Variants in ZGPAT observed in about 807,000 individuals in gnomAD.
The protein encoded by ZGPAT is zinc finger CCCH-type with G patch domain-containing protein.
In ZGPAT, 39 loss-of-function variants were observed where a neutral mutation model predicts 47.9. The observed-to-expected ratio is 0.81, with a 90% CI of 0.63 to 1.06. The LOEUF is 1.06. Among genes scored for constraint, ZGPAT ranks in the 50% least tolerant of loss-of-function variants. The pLI, the probability that ZGPAT is intolerant of heterozygous loss-of-function variation, is 0.00. For missense variants in ZGPAT, 717 were observed against 681.4 expected (o/e 1.05, Z -0.58); for synonymous variants, 348 against 292.9 (o/e 1.19, Z -1.92).
At chr20:63,729,914 G>A (rs1312723473) in intron 2 of ZGPAT, among the ~76,000 whole-genome samples, 5 of 151,828 alleles carry the variant, frequency 3.3e-5, no homozygotes, top group Non-Finnish European at 5.9e-5. Context: ...CCAGCCACTT[G>A]GGAGGCTGAG....
At chr20:63,717,491 G>A (rs965275142) in intron 2 of ZGPAT, among the ~76,000 whole-genome samples, 1 of 151,780 alleles carries the variant, frequency 6.6e-6, no homozygotes, top group Non-Finnish European at 1.5e-5. Context: ...CCCGGCCAAG[G>A]TGTTTCTTTT....
intron 1 of ZGPAT, 63 bp from the exon 2 acceptor site, chr20:63,708,490 C>T: frequency 1.6e-6 from 2 of 1,259,750 alleles, no homozygotes; most frequent in Non-Finnish European, 2.2e-6. Flanking sequence ...CGTGCCCGTG[C>T]CCGCCCTCAG....
chr20:63,723,151 C>T (rs13045211), intron 2 of ZGPAT, among the ~76,000 whole-genome samples: 3 of 118,206 alleles, frequency 2.5e-5, no homozygotes, highest in African/African-American at 9.1e-5. Flanking sequence ...ATAGCTCCAT[C>T]CTCCCTTCTC....
At chr20:63,721,944 C>T (rs2091792304) in intron 2 of ZGPAT, among the ~76,000 whole-genome samples, 1 of 143,832 alleles carries the variant, frequency 7.0e-6, no homozygotes, top group South Asian at 2.1e-4. Flanking sequence ...GCCTGGGAGG[C>T]GGAGGTTGCA....
At chr20:63,711,887 G>A (rs2091672644) in intron 2 of ZGPAT, among the ~76,000 whole-genome samples, 2 of 152,130 alleles carry the variant, frequency 1.3e-5, no homozygotes, top group African/African-American at 2.4e-5. Flanking sequence ...ACCCGGCCCA[G>A]GATTTCTTTA....
At chr20:63,719,324 C>G (rs182226507) in intron 2 of ZGPAT, among the ~76,000 whole-genome samples, 2 of 152,296 alleles carry the variant, frequency 1.3e-5, no homozygotes, top group East Asian at 3.9e-4. Context: ...TGCAAAGTTT[C>G]AGCTACTATT....
intron 2 of ZGPAT, among the ~76,000 whole-genome samples, chr20:63,709,855 A>G (rs1232785441): frequency 6.6e-6 from 1 of 151,384 alleles, no homozygotes; most frequent in East Asian, 1.9e-4. Context: ...TTTTTATATT[A>G]CTATAATTTT....
chr20:63,732,137 A>G (rs2091911520), intron 2 of ZGPAT, among the ~76,000 whole-genome samples: 1 of 151,868 alleles, frequency 6.6e-6, no homozygotes, highest in South Asian at 2.1e-4. Flanking sequence ...GACAGTCTAC[A>G]CGTGAGGGTG....
intron 2 of ZGPAT, among the ~76,000 whole-genome samples, chr20:63,726,286 C>T (rs1399646166): frequency 6.0e-5 from 9 of 150,796 alleles, no homozygotes; most frequent in African/African-American, 2.2e-4. Flanking sequence ...GCAACCTCCA[C>T]CTCTCAGGTT....
chr20:63,732,344 AGGTGTGT>A (rs1213834324), intron 2 of ZGPAT, among the ~76,000 whole-genome samples: 2 of 133,776 alleles, frequency 1.5e-5, no homozygotes, highest in South Asian at 2.3e-4. Flanking sequence ...TGTGTGGGTG[AGGTGTGT>A]GTGTGCATGT....
rs1026930945 is a variant in ZGPAT, at chr20:63,735,991, C to G, written c.*72C>G. 1 of 1,553,244 alleles carries G rather than the reference C, an allele frequency of 6.4e-7. No individual in the cohort carries two copies. The highest frequency in any genetic ancestry group is 8.7e-7 in the Non-Finnish European group (1 of 1,146,588). ...TGCCCTCAGGAAGACCAGTGTTGCC[C>G]GAGGAGGGGCCGGCCTGCTGGCCTG... On this transcript the variant is annotated 3_prime_UTR_variant, in exon 7 of 7. Transcript: ENST00000355969.
intron 2 of ZGPAT, among the ~76,000 whole-genome samples, chr20:63,713,566 T>C (rs1347159580): frequency 6.0e-5 from 9 of 151,162 alleles, no homozygotes; most frequent in Admixed American, 5.9e-4. Context: ...TCAGGCTGTT[T>C]GTTGCTAGTA....
chr20:63,725,537 CTT>C (rs1199796683), intron 2 of ZGPAT, among the ~76,000 whole-genome samples: 1 of 152,152 alleles, frequency 6.6e-6, no homozygotes, highest in African/African-American at 2.4e-5. Flanking sequence ...AAGATTTTCT[CTT>C]TGTCTTTGGC....
chr20:63,732,748 G>C (rs1568800381), intron 2 of ZGPAT, among the ~76,000 whole-genome samples: 2 of 151,922 alleles, frequency 1.3e-5, no homozygotes, highest in East Asian at 3.9e-4. Context: ...GTATATGTGT[G>C]TGTATGCCTG....
In ZGPAT at chr20:63,709,171, C is replaced by T; in HGVS notation, c.584+7C>T. 6.2e-7 allele frequency: 1 copy of T among 1,607,254 alleles called. No homozygotes were observed. Among genetic ancestry groups the T allele is most frequent in the African/African-American group, 1.3e-5 (1 of 75,048 alleles). On this transcript the variant is annotated splice_region_variant and intron_variant, in intron 2 of 6. Transcript: ENST00000355969. ...GCTTTAAGGAGAACTGCAGGTAAAG[C>T]CCTTTGTTGTCAGATGCCAACCTTA...
In ZGPAT at chr20:63,735,543, C is replaced by G; in HGVS notation, c.1376C>G (p.Ala459Gly). 1 of 1,516,374 alleles carries G rather than the reference C, an allele frequency of 6.6e-7. No homozygotes were observed. 93.9% of individuals were successfully genotyped at this position (1,516,374 alleles called of 1,614,324 possible). Residue 459 changes from alanine to glycine, a missense_variant, in exon 6 of 7, where the codon GCT (alanine) becomes GGT (glycine). Ala to Gly is a moderately conservative substitution (Grantham distance 60). Transcript: ENST00000355969. ...TQRDIRSIQE[A>G]LARNAGRHSV... ...CGGGACATCAGGAGCATCCAGGAGG[C>G]TCTCGCCCGCAACGCTGGCCGGTAC...
chr20:63,732,876 G>A (rs572759184), intron 2 of ZGPAT, among the ~76,000 whole-genome samples: 34 of 152,122 alleles, frequency 2.2e-4, no homozygotes, highest in South Asian at 4.2e-4. Flanking sequence ...GCGCGTGTGC[G>A]TATGCGTGTA....
chr20:63,723,755 T>C (rs1301837559), intron 2 of ZGPAT, among the ~76,000 whole-genome samples: 6 of 152,252 alleles, frequency 3.9e-5, no homozygotes, highest in Non-Finnish European at 8.8e-5. Flanking sequence ...TTCAGCGTTA[T>C]AATTATTGCT....
chr20:63,731,233 C>T, intron 2 of ZGPAT, among the ~76,000 whole-genome samples: 1 of 152,156 alleles, frequency 6.6e-6, no homozygotes, highest in East Asian at 1.9e-4. Flanking sequence ...GGGGCATATT[C>T]TGGAGCAGCC....
Sources: allele counts gnomAD v4.1 joint callset (sites outside exome capture counted in the v4.1 genomes callset), GRCh38; gene constraint gnomAD v4.1.1; transcripts MANE v1.5; gene names NCBI Gene and HGNC (gene_info 2026-07-23, HGNC 2026-07-21).